MRPS5: variants seen among roughly 807,000 people sequenced by gnomAD.
The protein encoded by MRPS5 is mitochondrial ribosomal protein S5.
MRPS5 carries 27 observed loss-of-function variants against 51.9 expected under a neutral mutation model. The ratio of observed to expected loss-of-function variants is 0.52; its 90% CI spans 0.38 to 0.72. The LOEUF (loss-of-function observed/expected upper bound fraction) is 0.72. Ranked by LOEUF, MRPS5 falls within the 30% of genes least tolerant of loss-of-function variation. MRPS5 has a pLI of 0.00. For synonymous variants in MRPS5, 196 were observed against 193.2 expected (o/e 1.01, Z -0.12); for missense variants, 570 against 545.7 (o/e 1.04, Z -0.44).
chr2:95,108,243 T>G lies in MRPS5; in HGVS notation c.569A>C (p.Glu190Ala). The change falls in exon 5 of 12, where the codon GAG (glutamate) becomes GCG (alanine). Residue 190 changes from glutamate to alanine, a missense_variant. Physicochemically the swap from Glu to Ala is moderately radical, Grantham distance 107. Coordinates refer to ENST00000272418, the MANE Select transcript of MRPS5 (RefSeq NM_031902.5). ...CCATGAGTTTCCACTCCATCCTCGC[T>G]CCCGTTTAACCTTCATCTTCTTCTT... ...DRKKKMKVKR[E>A]RGWSGNSWGG... 1 of 1,614,112 alleles carries G rather than the reference T, an allele frequency of 6.2e-7. No individual in the cohort carries two copies. Among genetic ancestry groups the G allele is most frequent in the East Asian group, 2.2e-5 (1 of 44,878 alleles).
chr2:95,118,691 A>G (rs1676359591), intron 1 of MRPS5, among the ~76,000 whole-genome samples: 1 of 152,228 alleles, frequency 6.6e-6, no homozygotes, highest in Non-Finnish European at 1.5e-5. Flanking sequence ...ACAGGCTCTG[A>G]CACAGCATTT....
chr2:95,115,940 CTT>C (rs905841936), intron 2 of MRPS5, among the ~76,000 whole-genome samples: 14 of 147,500 alleles, frequency 9.5e-5, no homozygotes, highest in Non-Finnish European at 1.3e-4. Flanking sequence ...GAGTTCTGCT[CTT>C]GTCACCCAAG....
At chr2:95,118,476 C>T (rs1676352652) in intron 1 of MRPS5, among the ~76,000 whole-genome samples, 1 of 152,276 alleles carries the variant, frequency 6.6e-6, no homozygotes, top group South Asian at 2.1e-4. Flanking sequence ...TCCATCTTCC[C>T]TCTGGCCATG....
Position 95,097,843 on chromosome 2 carries a change from C to T in MRPS5, c.931+2631G>A, listed in dbSNP as rs551872204. On this transcript the variant is annotated intron_variant, in intron 10 of 11. Coordinates refer to ENST00000272418, the MANE Select transcript of MRPS5 (RefSeq NM_031902.5). ...CAATGGCAACAAAAGCCAAAATTGACAAATGGGATCTAATTAAACTAAAGA... is the reference window on the plus strand; with the variant it reads ...CAATGGCAACAAAAGCCAAAATTGATAAATGGGATCTAATTAAACTAAAGA... Among the ~76,000 whole-genome samples, 714 of 152,286 alleles carry T rather than the reference C, an allele frequency of 4.7e-3. 5 individuals are homozygous for T. The highest frequency in any genetic ancestry group is 6.7e-3 in the Non-Finnish European group (457 of 68,014).
At chr2:95,090,606 G>C (rs2104392996) in intron 10 of MRPS5, 84 bp from the exon 11 acceptor site, 1 of 1,533,842 alleles carries the variant, frequency 6.5e-7, no homozygotes. Context: ...ATGGCTTCAG[G>C]CTCTGGGCTT....
At chr2:95,100,571 G>A in intron 9 of MRPS5, 35 bp from the exon 10 acceptor site, 1 of 1,504,156 alleles carries the variant, frequency 6.6e-7, no homozygotes, top group South Asian at 1.1e-5. Context: ...AGAGGATTAG[G>A]TGTGTGGCTT....
At chr2:95,121,045 G>A (rs1056791256) in intron 1 of MRPS5, among the ~76,000 whole-genome samples, 1 of 152,070 alleles carries the variant, frequency 6.6e-6, no homozygotes, top group African/African-American at 2.4e-5. Context: ...TTGAACCCGG[G>A]AGGCGGAGGT....
At position 95,086,731 on chromosome 2, in the gene MRPS5, AAAAAT is replaced by A. The variant is rs1675301043; in HGVS notation, c.*621_*625del. On this transcript the variant is annotated 3_prime_UTR_variant, in exon 12 of 12. Transcript: ENST00000272418. ...AACTATAAGGAACTCAATAATAATA[AAAAAT>A]AACTTTTTAAATGGGCAAAGGCTCT... 6.6e-6 allele frequency among the ~76,000 whole-genome samples: 1 copy of A among 152,234 alleles called. No individual in the cohort carries two copies.
intron 10 of MRPS5, among the ~76,000 whole-genome samples, chr2:95,098,531 G>A (rs1675694763): frequency 2.0e-5 from 3 of 152,142 alleles, no homozygotes; most frequent in Admixed American, 2.0e-4. Context: ...TGAGTTTCAT[G>A]TCCTTCGTAG....
chr2:95,085,999 T>A lies in MRPS5; in HGVS notation c.*1358A>T, dbSNP rs1675278382. On this transcript the variant is annotated 3_prime_UTR_variant, in exon 12 of 12. Transcript: ENST00000272418. Reference sequence around the variant, plus strand: ...AACAAGGCTCACTGCAGCCTCAACCTCCTGCAATCAAATGATCCTCCCACT... The same window carrying A: ...AACAAGGCTCACTGCAGCCTCAACCACCTGCAATCAAATGATCCTCCCACT... 6.6e-6 allele frequency among the ~76,000 whole-genome samples: 1 copy of A among 150,952 alleles called. No homozygotes were observed. Among genetic ancestry groups the A allele is most frequent in the African/African-American group, 2.4e-5 (1 of 41,048 alleles).
intron 4 of MRPS5, among the ~76,000 whole-genome samples, chr2:95,109,111 T>C (rs1201568215): frequency 2.6e-5 from 4 of 151,954 alleles, no homozygotes; most frequent in African/African-American, 7.3e-5. Flanking sequence ...AGAAGAAGCA[T>C]CCAGGGGGAC....
At chr2:95,106,492 A>G in intron 5 of MRPS5, 35 bp from the exon 6 acceptor site, 1 of 1,549,764 alleles carries the variant, frequency 6.5e-7, no homozygotes, top group Non-Finnish European at 8.9e-7. Flanking sequence ...TACAGATGAA[A>G]TGTGTGTACA....
In MRPS5 at chr2:95,104,679, G is replaced by C; in HGVS notation, c.724C>G (p.Arg242Gly). The change falls in exon 7 of 12, where the codon CGT becomes GGT. Residue 242 changes from arginine (R) to glycine (G), a missense_variant. Physicochemically the swap from Arg to Gly is moderately radical, Grantham distance 125. Transcript: ENST00000272418. ...CCGTTCCCCACAGCCACCAAGACAC[G>C]GATCGATTTCTTTCTTCCCTCTTTC... ...TAKEGRKKSI[R>G]VLVAVGNGKG... The C allele has an allele frequency of 1.2e-6, 2 of 1,614,074 alleles. No individual in the cohort carries two copies. The highest frequency in any genetic ancestry group is 1.7e-6 in the Non-Finnish European group (2 of 1,180,012).
At chr2:95,096,357 C>T (rs1246233739) in intron 10 of MRPS5, among the ~76,000 whole-genome samples, 3 of 152,162 alleles carry the variant, frequency 2.0e-5, no homozygotes, top group Admixed American at 1.3e-4. Context: ...CATCCTGATA[C>T]TAAAGCCTGG....
intron 2 of MRPS5, among the ~76,000 whole-genome samples, 177 bp from the exon 3 acceptor site, chr2:95,115,380 T>C (rs1676255726): frequency 1.3e-5 from 2 of 152,194 alleles, no homozygotes; most frequent in Non-Finnish European, 2.9e-5. Flanking sequence ...ACAACCTAAA[T>C]GCCCAGCCTA....
At chr2:95,114,282 G>C (rs1232705489) in intron 3 of MRPS5, among the ~76,000 whole-genome samples, 1 of 150,234 alleles carries the variant, frequency 6.7e-6, no homozygotes, top group East Asian at 2.0e-4. Context: ...TTTGGAGATG[G>C]AGTCTCGCTC....
intron 3 of MRPS5, among the ~76,000 whole-genome samples, chr2:95,112,374 T>C (rs1357667470): frequency 2.0e-5 from 3 of 152,010 alleles, no homozygotes; most frequent in African/African-American, 2.4e-5. Context: ...CCTCATGTTA[T>C]ATATATATAC....
rs1441569964 is a variant in MRPS5, at chr2:95,101,245, G to A, written c.811-351C>T. On this transcript the variant is annotated intron_variant, in intron 8 of 11. Transcript: ENST00000272418. ...CCAAAAATACAAAAGTTAGCCGGGT[G>A]TGGTGGTGGGCACCTGTAATCCCAG... 5.9e-5 allele frequency among the ~76,000 whole-genome samples: 9 copies of A among 152,038 alleles called. No individual in the cohort carries two copies. In the South Asian group the frequency reaches 6.2e-4, roughly 11 times the overall value.
rs1676016426 is a variant in MRPS5 at position 95,108,425 on chromosome 2, A to G, written c.404-17T>C. ...CATAACGCCCTGAAGGTTTAAAAATATAAATAATAATTTTGTTAAAGTACT... is the reference window on the plus strand; with the variant it reads ...CATAACGCCCTGAAGGTTTAAAAATGTAAATAATAATTTTGTTAAAGTACT... On this transcript the variant is annotated splice_polypyrimidine_tract_variant and intron_variant, in intron 4 of 11. Transcript: ENST00000272418. 2 of 1,586,904 alleles carry G rather than the reference A, an allele frequency of 1.3e-6. No homozygotes were observed. The highest frequency in any genetic ancestry group is 1.7e-6 in the Non-Finnish European group (2 of 1,162,972).
Sources: gnomAD v4.1 joint callset for allele counts (sites outside exome capture counted in the v4.1 genomes callset) on GRCh38, gnomAD v4.1.1 for gene constraint, MANE v1.5 for transcripts, NCBI Gene and HGNC (gene_info 2026-07-23, HGNC 2026-07-21) for gene names.